Variants in MAPK4 observed in about 807,000 individuals in gnomAD.
MAPK4 encodes the protein Erk3-related.
A neutral mutation model predicts 47.7 loss-of-function variants in MAPK4; 22 were observed. The observed-to-expected ratio is 0.46, with a 90% CI of 0.33 to 0.66. The LOEUF is 0.66. Among genes scored for constraint, MAPK4 ranks in the 30% least tolerant of loss-of-function variants. MAPK4 has a pLI of 0.02. For missense variants in MAPK4, 736 were observed against 831.7 expected, an observed-to-expected ratio of 0.88 and a Z score of 1.42; for synonymous variants, 390 against 365.7, an observed-to-expected ratio of 1.07 and a Z score of -0.76.
At position 50,605,180 on chromosome 18, in the gene MAPK4, T is replaced by C. The variant is rs183770021; in HGVS notation, c.-871+44937T>C. ...GAGATGTTAAGTGACTTATGTAAAG[T>C]CACACAACTAAGTACAGAGGAGATC... On this transcript the variant is annotated intron_variant, in intron 1 of 5. Transcript: ENST00000400384. Among the ~76,000 whole-genome samples the C allele has an allele frequency of 1.9e-3, 283 of 152,342 alleles. 3 individuals are homozygous for C. The highest frequency in any genetic ancestry group is 3.4e-3 in the Middle Eastern group (1 of 294).
intron 1 of MAPK4, among the ~76,000 whole-genome samples, chr18:50,580,327 G>C (rs1461882839): frequency 6.6e-6 from 1 of 152,218 alleles, no homozygotes; most frequent in Non-Finnish European, 1.5e-5. Context: ...ATGTGGGAAT[G>C]GGCTGCAGGA....
chr18:50,634,131 C>G (rs76148040), intron 1 of MAPK4, among the ~76,000 whole-genome samples: 2,092 of 152,212 alleles, frequency 0.014, 42 homozygotes, highest in African/African-American at 0.048. Flanking sequence ...CAAATATGCT[C>G]AATGAAAACC....
Position 50,573,955 on chromosome 18 carries a change from G to T in MAPK4, c.-871+13712G>T, listed in dbSNP as rs367643556. On this transcript the variant is annotated intron_variant, in intron 1 of 5. Transcript: ENST00000400384. ...GAGGGGAAAACTGAAGCTACGGGAA[G>T]ATGTGTGGCTTGTCTTAGATGATAT... Among the ~76,000 whole-genome samples, 18 of 152,348 alleles carry T rather than the reference G, an allele frequency of 1.2e-4. No individual in the cohort carries two copies. The South Asian group carries it at 3.5e-3, about 30-fold the overall frequency.
chr18:50,620,544 C>T (rs2149381856), intron 1 of MAPK4, among the ~76,000 whole-genome samples: 1 of 152,296 alleles, frequency 6.6e-6, no homozygotes, highest in South Asian at 2.1e-4. Context: ...TATACTCACC[C>T]AGGGATGGGA....
chr18:50,602,271 C>T (rs1466529738), intron 1 of MAPK4, among the ~76,000 whole-genome samples: 3 of 152,182 alleles, frequency 2.0e-5, no homozygotes, highest in African/African-American at 7.2e-5. Flanking sequence ...ATAATGCCCT[C>T]CACCTCTGCT....
intron 1 of MAPK4, among the ~76,000 whole-genome samples, chr18:50,581,437 A>G (rs1338811752): frequency 6.6e-6 from 1 of 152,140 alleles, no homozygotes; most frequent in Non-Finnish European, 1.5e-5. Context: ...CCTCCAGGGC[A>G]CACACGTGAT....
At chr18:50,581,197 G>T (rs764955242) in intron 1 of MAPK4, among the ~76,000 whole-genome samples, 5 of 152,176 alleles carry the variant, frequency 3.3e-5, no homozygotes, top group Non-Finnish European at 7.4e-5. Context: ...AACGGCAAAG[G>T]TTTATTTGCT....
chr18:50,581,129 G>A (rs1411287219), intron 1 of MAPK4, among the ~76,000 whole-genome samples: 1 of 152,232 alleles, frequency 6.6e-6, no homozygotes, highest in East Asian at 1.9e-4. Flanking sequence ...AAGCAAGGCA[G>A]CAAGATGTAT....
intron 2 of MAPK4, among the ~76,000 whole-genome samples, chr18:50,702,029 G>A (rs1325862825): frequency 6.6e-6 from 1 of 151,916 alleles, no homozygotes; most frequent in Admixed American, 6.6e-5. Context: ...GGGCATGGTG[G>A]TACACACCTG....
chr18:50,664,018 TG>T lies in MAPK4; in HGVS notation c.61del (p.Val21LeufsTer28), dbSNP rs1220198606. 1 of 1,613,650 alleles carries T rather than the reference TG, an allele frequency of 6.2e-7. No homozygotes were observed. Among genetic ancestry groups the T allele is most frequent in the Admixed American group, 1.7e-5 (1 of 60,012 alleles). Reference protein sequence around the residue: ...VYGYDLGGRFVDFQPLGFGVN... With the variant: ...VYGYDLGGRFXDFQPLGFGVN... Reference sequence around the variant, plus strand: ...ATGGGTATGACCTCGGTGGGCGCTTTGTTGACTTCCAACCCCTGGGCTTCGG... The same window carrying T: ...ATGGGTATGACCTCGGTGGGCGCTTTTTGACTTCCAACCCCTGGGCTTCGG... On this transcript the variant is annotated frameshift_variant, in exon 2 of 6. Coordinates refer to ENST00000400384, the MANE Select transcript of MAPK4 (RefSeq NM_002747.4). LOFTEE classifies it high-confidence loss of function. The surrounding 1 kb of genome is among the most constrained non-coding windows in gnomAD (Gnocchi z 6.0).
intron 2 of MAPK4, among the ~76,000 whole-genome samples, chr18:50,712,197 T>C (rs115287064): frequency 1.5e-3 from 229 of 152,202 alleles, no homozygotes; most frequent in African/African-American, 5.1e-3. Flanking sequence ...AAGGCCGAGG[T>C]AGGCAGACTG....
At chr18:50,581,613 T>C (rs1017423590) in intron 1 of MAPK4, among the ~76,000 whole-genome samples, 7 of 152,298 alleles carry the variant, frequency 4.6e-5, no homozygotes, top group African/African-American at 1.4e-4. Context: ...TCAAATAATT[T>C]TTGAACATAT....
intron 1 of MAPK4, among the ~76,000 whole-genome samples, chr18:50,628,231 A>G (rs2042798539): frequency 6.6e-6 from 1 of 152,214 alleles, no homozygotes; most frequent in Non-Finnish European, 1.5e-5. Flanking sequence ...CAACCGCCAA[A>G]ATGTGTACAA....
chr18:50,603,567 C>G (rs1247927921), intron 1 of MAPK4, among the ~76,000 whole-genome samples: 13 of 152,254 alleles, frequency 8.5e-5, no homozygotes. Flanking sequence ...CCACACTAGC[C>G]CAATGTCATC....
intron 1 of MAPK4, among the ~76,000 whole-genome samples, chr18:50,660,547 C>T (rs927730066): frequency 6.6e-6 from 1 of 152,142 alleles, no homozygotes; most frequent in African/African-American, 2.4e-5. Flanking sequence ...AGCTTACAGT[C>T]TAGTTGGGAG....
chr18:50,622,207 G>A (rs770030133), intron 1 of MAPK4, among the ~76,000 whole-genome samples: 1 of 152,184 alleles, frequency 6.6e-6, no homozygotes, highest in African/African-American at 2.4e-5. Context: ...GGCATCACAC[G>A]TGCTGGTGGG....
intron 3 of MAPK4, among the ~76,000 whole-genome samples, chr18:50,717,057 T>G (rs1910677761): frequency 6.6e-6 from 1 of 152,132 alleles, no homozygotes. Flanking sequence ...ATGGCCTCCC[T>G]CTCCACAATT....
intron 1 of MAPK4, chr18:50,630,005 C>A (rs976516343): frequency 6.6e-6 from 1 of 152,142 alleles, no homozygotes; most frequent in African/African-American, 2.4e-5. Flanking sequence ...TGAACATTAG[C>A]TTTAGACAGA....
intron 2 of MAPK4, among the ~76,000 whole-genome samples, chr18:50,714,162 C>T (rs188398703): frequency 6.6e-6 from 1 of 152,298 alleles, no homozygotes. Context: ...CATTGGATCT[C>T]CTTGGTCCTA....
Sources: allele counts gnomAD v4.1 joint callset (sites outside exome capture counted in the v4.1 genomes callset), GRCh38; gene constraint gnomAD v4.1.1; non-coding constraint Gnocchi (gnomAD v3.1); transcripts MANE v1.5; gene names NCBI Gene and HGNC (gene_info 2026-07-23, HGNC 2026-07-21).